ANKS1B: variants seen among roughly 807,000 people sequenced by gnomAD.
The protein encoded by ANKS1B is ankyrin repeat and sterile alpha motif domain containing 1B.
In ANKS1B, 36 loss-of-function variants were observed where a neutral mutation model predicts 148.3. That is an observed-to-expected ratio of 0.24 (90% CI 0.19 to 0.32). The LOEUF (loss-of-function observed/expected upper bound fraction) is 0.32, where lower values mean the gene tolerates loss of function less well. ANKS1B is among the 10% of genes least tolerant of loss of function. ANKS1B has a pLI of 1.00. For synonymous variants in ANKS1B, 542 were observed against 560.8 expected (o/e 0.97, Z 0.47); for missense variants, 1,157 against 1,542.6 (o/e 0.75, Z 4.19).
intron 8 of ANKS1B, among the ~76,000 whole-genome samples, chr12:99,680,086 G>C (rs1423631465): frequency 6.6e-6 from 1 of 152,176 alleles, no homozygotes; most frequent in Non-Finnish European, 1.5e-5. Context: ...CAGACCACGG[G>C]AGAAGGATTT....
chr12:99,232,502 T>G (rs2087045833), intron 14 of ANKS1B, among the ~76,000 whole-genome samples: 1 of 152,214 alleles, frequency 6.6e-6, no homozygotes, highest in South Asian at 2.1e-4. Context: ...TCTGCATGTT[T>G]GCTCTTGTGT....
At chr12:98,761,413 T>C (rs143716486) in intron 25 of ANKS1B, among the ~76,000 whole-genome samples, 3 of 152,354 alleles carry the variant, frequency 2.0e-5, no homozygotes, top group Non-Finnish European at 4.4e-5. Context: ...CAAAGAAATA[T>C]GCAGCATAAA....
Position 98,745,663 on chromosome 12 carries a change from G to T in ANKS1B, c.*76C>A, listed in dbSNP as rs530384897. ...AGTCTTCCTCCTGGGCTGGGTGGACGCGGAGGCGCGAAGGAAAGCCTGCTC... is the reference window on the plus strand; with the variant it reads ...AGTCTTCCTCCTGGGCTGGGTGGACTCGGAGGCGCGAAGGAAAGCCTGCTC... On this transcript the variant is annotated 3_prime_UTR_variant, in exon 27 of 27. Transcript: ENST00000683438. 3 of 1,572,550 alleles carry T rather than the reference G, an allele frequency of 1.9e-6. No individual in the cohort carries two copies. The East Asian group carries it at 6.9e-5, about 36-fold the overall frequency.
intron 10 of ANKS1B, among the ~76,000 whole-genome samples, chr12:99,493,048 C>T (rs1438548424): frequency 2.0e-5 from 3 of 152,064 alleles, no homozygotes; most frequent in South Asian, 4.1e-4. Context: ...ATCAATCAAG[C>T]GAGAGACAGA....
intron 9 of ANKS1B, among the ~76,000 whole-genome samples, chr12:99,556,949 T>C (rs1387193502): frequency 6.6e-6 from 1 of 152,206 alleles, no homozygotes; most frequent in Non-Finnish European, 1.5e-5. Context: ...TCTGTAGATG[T>C]CTATTAAGTC....
chr12:99,159,535 A>G (rs1417127591), intron 14 of ANKS1B, among the ~76,000 whole-genome samples: 1 of 152,132 alleles, frequency 6.6e-6, no homozygotes, highest in Non-Finnish European at 1.5e-5. Context: ...AGCTGCATCT[A>G]TGTTGCTGCA....
chr12:98,943,052 G>C (rs929008086), intron 17 of ANKS1B, among the ~76,000 whole-genome samples: 22 of 152,208 alleles, frequency 1.4e-4, no homozygotes, highest in Non-Finnish European at 2.5e-4. Context: ...GCCTACGTGT[G>C]AAAGGCAAAT....
Position 99,481,073 on chromosome 12 carries a change from T to C in ANKS1B, c.1438+23403A>G, listed in dbSNP as rs918747477. ...AGCTTTTGAGGTATAAGTGGTTTTATGTTACACGCATGAATTATATAGTGG... is the reference window on the plus strand; with the variant it reads ...AGCTTTTGAGGTATAAGTGGTTTTACGTTACACGCATGAATTATATAGTGG... On this transcript the variant is annotated intron_variant, in intron 10 of 26. Transcript: ENST00000683438. Among the ~76,000 whole-genome samples the C allele has an allele frequency of 9.9e-5, 15 of 151,794 alleles. 1 individual carries two copies. Among genetic ancestry groups the C allele is most frequent in the African/African-American group, 1.7e-4 (7 of 41,418 alleles).
chr12:99,571,704 C>A (rs568596627), intron 9 of ANKS1B, among the ~76,000 whole-genome samples: 1 of 152,158 alleles, frequency 6.6e-6, no homozygotes, highest in Admixed American at 6.5e-5. Context: ...TTGATTATTT[C>A]AATGATCATA....
intron 12 of ANKS1B, among the ~76,000 whole-genome samples, chr12:99,338,673 G>A (rs762775818): frequency 1.3e-5 from 2 of 152,156 alleles, no homozygotes; most frequent in Admixed American, 6.5e-5. Flanking sequence ...CACAAGGCAC[G>A]TGGCAAGTAC....
intron 4 of ANKS1B, among the ~76,000 whole-genome samples, chr12:99,795,643 C>A (rs2066156049): frequency 1.3e-5 from 2 of 151,942 alleles, no homozygotes; most frequent in South Asian, 4.1e-4. Flanking sequence ...TTTGGCTTCA[C>A]AGATACTTTG....
intron 17 of ANKS1B, among the ~76,000 whole-genome samples, chr12:99,036,691 G>C (rs4762546): frequency 0.5 from 75,557 of 152,134 alleles, 20,940 homozygotes; most frequent in East Asian, 0.71. Context: ...CTGGAGAAGA[G>C]ACTGCAATGA....
At chr12:99,206,410 G>A (rs986708246) in intron 14 of ANKS1B, among the ~76,000 whole-genome samples, 2 of 152,102 alleles carry the variant, frequency 1.3e-5, no homozygotes, top group African/African-American at 4.8e-5. Flanking sequence ...TTTAAGATGT[G>A]CATATATCAA....
chr12:99,726,615 G>A (rs1486442113), intron 8 of ANKS1B, among the ~76,000 whole-genome samples: 3 of 152,016 alleles, frequency 2.0e-5, no homozygotes, highest in Non-Finnish European at 4.4e-5. Context: ...TGAAAAGCAG[G>A]TACTCTTCCC....
rs1287525836 is a variant in ANKS1B, at chr12:99,969,400, T to A, written c.134+14704A>T. On this transcript the variant is annotated intron_variant, in intron 1 of 26. Coordinates refer to ENST00000683438, the MANE Select transcript of ANKS1B (RefSeq NM_001352186.2). ...GATCTTATTATGTTGCCCAGCCTGG[T>A]CTTGAACTCCTTGGCTCAAGCAATC... Among the ~76,000 whole-genome samples the A allele has an allele frequency of 3.9e-5, 6 of 152,264 alleles. No individual in the cohort carries two copies. In the East Asian group the frequency reaches 1.2e-3, roughly 29 times the overall value.
At chr12:98,890,032 T>C (rs369754300) in intron 17 of ANKS1B, among the ~76,000 whole-genome samples, 1 of 152,194 alleles carries the variant, frequency 6.6e-6, no homozygotes, top group East Asian at 1.9e-4. Context: ...AAATTAGTGA[T>C]GAATGATCAG....
intron 17 of ANKS1B, among the ~76,000 whole-genome samples, chr12:98,902,998 A>T (rs2099774147): frequency 2.0e-5 from 3 of 151,952 alleles, no homozygotes; most frequent in Non-Finnish European, 4.4e-5. Context: ...AAATGATTTT[A>T]TTTTTTTCTC....
At chr12:99,078,220 A>T (rs947580398) in intron 16 of ANKS1B, among the ~76,000 whole-genome samples, 1 of 152,196 alleles carries the variant, frequency 6.6e-6, no homozygotes, top group African/African-American at 2.4e-5. Context: ...CTTTCTAGCT[A>T]TGTTAGTTTA....
intron 9 of ANKS1B, among the ~76,000 whole-genome samples, chr12:99,559,541 AAGC>A (rs1195048339): frequency 6.6e-6 from 1 of 152,198 alleles, no homozygotes; most frequent in African/African-American, 2.4e-5. Flanking sequence ...GGGGAAAAGA[AAGC>A]AGAATCAATA....
Sources: allele counts gnomAD v4.1 joint callset (sites outside exome capture counted in the v4.1 genomes callset), GRCh38; gene constraint gnomAD v4.1.1; transcripts MANE v1.5; gene names NCBI Gene and HGNC (gene_info 2026-07-23, HGNC 2026-07-21).